Variants in NPRL3 observed in about 807,000 individuals in gnomAD.
The protein encoded by NPRL3 is GATOR1 complex protein NPRL3.
In NPRL3, 23 loss-of-function variants were observed where a neutral mutation model predicts 57.2. That is an observed-to-expected ratio of 0.40 (90% CI 0.29 to 0.57). The LOEUF is 0.57. Among genes scored for constraint, NPRL3 ranks in the 20% least tolerant of loss-of-function variants. The pLI, the probability that NPRL3 is intolerant of heterozygous loss-of-function variation, is 0.42. For missense variants in NPRL3, 691 were observed against 767.1 expected (o/e 0.90, Z 1.17); for synonymous variants, 333 against 321.1 (o/e 1.04, Z -0.39).
chr16:128,224 A>G (rs929516289), intron 3 of NPRL3, among the ~76,000 whole-genome samples: 2 of 152,156 alleles, frequency 1.3e-5, no homozygotes, highest in Admixed American at 6.5e-5. Flanking sequence ...ACCTCAGGTG[A>G]TCCATCTGCC....
At chr16:95,489 A>G (rs1898969403) in intron 9 of NPRL3, among the ~76,000 whole-genome samples, 1 of 151,930 alleles carries the variant, frequency 6.6e-6, no homozygotes, top group Admixed American at 6.6e-5. Flanking sequence ...TAGTGTTTGA[A>G]GTCTTGTAAC....
chr16:137,157 C>G (rs1195169146), intron 2 of NPRL3, among the ~76,000 whole-genome samples: 1 of 151,120 alleles, frequency 6.6e-6, no homozygotes, highest in Non-Finnish European at 1.5e-5. Flanking sequence ...GAGGTGGAGG[C>G]TGCAGTGAGC....
intron 3 of NPRL3, among the ~76,000 whole-genome samples, chr16:119,792 G>A (rs1026807358): frequency 3.9e-5 from 6 of 152,214 alleles, no homozygotes; most frequent in East Asian, 1.9e-4. Flanking sequence ...CTGCCCATCC[G>A]TTCCCTTATC....
intron 3 of NPRL3, among the ~76,000 whole-genome samples, chr16:125,502 G>A (rs1900477655): frequency 6.6e-6 from 1 of 152,208 alleles, no homozygotes; most frequent in African/African-American, 2.4e-5. Flanking sequence ...GGGAGGCAGG[G>A]CCATCAGCTA....
In NPRL3 at chr16:138,078, G is replaced by GCCCTGGAATGAGGCGA. The variant is rs1487495568; in HGVS notation, c.118+56_118+71dup. ...AGCAAAAGCTAAGCTCCGCGAGGCG[G>GCCCTGGAATGAGGCGA]CCCTGGAATGAGGCGACCCCGGAAT... On this transcript the variant is annotated intron_variant, in intron 2 of 13. Coordinates refer to ENST00000611875, the MANE Select transcript of NPRL3 (RefSeq NM_001077350.3). 53 of 1,153,912 alleles carry GCCCTGGAATGAGGCGA rather than the reference G, an allele frequency of 4.6e-5. No individual in the cohort carries two copies. In the African/African-American group the frequency reaches 7.5e-4, roughly 16 times the overall value. The allele number at this position is 1,153,912 out of a possible 1,614,324, so 71.5% of individuals were successfully genotyped here.
chr16:110,619 C>G lies in NPRL3; in HGVS notation c.548-13G>C. 1.2e-6 allele frequency: 2 copies of G among 1,600,190 alleles called. No individual in the cohort carries two copies. Among genetic ancestry groups the G allele is most frequent in the Non-Finnish European group, 1.7e-6 (2 of 1,172,136 alleles). ...GGACCTTCATTTCCTACAAGAATCA[C>G]AACACAAGATTTACAGCTCCCGGGT... On this transcript the variant is annotated splice_polypyrimidine_tract_variant and intron_variant, in intron 6 of 13. Coordinates refer to ENST00000611875, the MANE Select transcript of NPRL3 (RefSeq NM_001077350.3).
Position 86,369 on chromosome 16 carries a change from C to CGCCGTATCA in NPRL3, c.*335_*336insTGATACGGC. 8.4e-5 allele frequency: 24 copies of CGCCGTATCA among 285,330 alleles called. No homozygotes were observed. The highest frequency in any genetic ancestry group is 3.5e-4 in the South Asian group (5 of 14,340). 17.7% of individuals were successfully genotyped at this position (285,330 alleles called of 1,614,324 possible). A position where few individuals can be genotyped will look rare whatever the true frequency, so the allele number is the denominator to read the frequency against. ...GCAGGTGTAGGGACAGAAGGAGGGT[C>CGCCGTATCA]TGAGAAACGCACAGCCCACATGGGC... is the stretch of plus-strand genomic sequence containing the variant. On this transcript the variant is annotated 3_prime_UTR_variant, in exon 14 of 14. Transcript: ENST00000611875.
chr16:135,484 CT>C lies in NPRL3; in HGVS notation c.118+2665del, dbSNP rs533767265. On this transcript the variant is annotated intron_variant, in intron 2 of 13. Coordinates refer to ENST00000611875, the MANE Select transcript of NPRL3 (RefSeq NM_001077350.3). ...ATTAGCCAGGCGTGGTGGCACGCACCTGTAAACCCAGCTACTCGGGAGGCTG... is the reference window on the plus strand; with the variant it reads ...ATTAGCCAGGCGTGGTGGCACGCACCGTAAACCCAGCTACTCGGGAGGCTG... 7.2e-5 allele frequency among the ~76,000 whole-genome samples: 11 copies of C among 152,056 alleles called. No homozygotes were observed. The South Asian group carries it at 1.9e-3, about 26-fold the overall frequency.
intron 2 of NPRL3, among the ~76,000 whole-genome samples, chr16:135,964 A>G (rs1301688634): frequency 6.6e-6 from 1 of 151,226 alleles, no homozygotes; most frequent in Non-Finnish European, 1.5e-5. Flanking sequence ...AAACAGGAAA[A>G]TATGCTTTCT....
chr16:94,842 C>T (rs941310440), intron 9 of NPRL3, among the ~76,000 whole-genome samples: 1 of 152,168 alleles, frequency 6.6e-6, no homozygotes, highest in Admixed American at 6.5e-5. Context: ...CCCAGCTCTG[C>T]TCAGCATAGT....
At chr16:88,550 C>G (rs1898604214) in intron 13 of NPRL3, 148 bp downstream of exon 13, 2 of 736,828 alleles carry the variant, frequency 2.7e-6, no homozygotes, top group Non-Finnish European at 2.2e-6. Context: ...TGGCACCTGC[C>G]CCTACACACC....
chr16:95,241 C>T (rs1187057145), intron 9 of NPRL3, among the ~76,000 whole-genome samples: 1 of 151,394 alleles, frequency 6.6e-6, no homozygotes, highest in African/African-American at 2.4e-5. Context: ...ATGTGTATAT[C>T]TGTGGGGGCC....
At chr16:123,780 A>C (rs1050185024) in intron 3 of NPRL3, among the ~76,000 whole-genome samples, 3 of 147,098 alleles carry the variant, frequency 2.0e-5, no homozygotes, top group African/African-American at 7.6e-5. Context: ...AAACAGGGTC[A>C]CACACTCCCC....
intron 2 of NPRL3, 46 bp downstream of exon 2, chr16:138,104 G>A (rs1266222277): frequency 1.4e-6 from 2 of 1,475,748 alleles, no homozygotes; most frequent in Non-Finnish European, 1.9e-6. Flanking sequence ...ACCCCGGAAT[G>A]AGGCGGCCCC....
chr16:137,253 A>AT (rs1166050364), intron 2 of NPRL3, among the ~76,000 whole-genome samples: 2 of 152,116 alleles, frequency 1.3e-5, no homozygotes, highest in African/African-American at 4.8e-5. Flanking sequence ...AAAACTGAAC[A>AT]TTCATGATGA....
chr16:92,767 C>CA, intron 10 of NPRL3, 42 bp from the exon 11 acceptor site: 1 of 1,606,798 alleles, frequency 6.2e-7, no homozygotes, highest in Non-Finnish European at 8.5e-7. Context: ...GCAGACCCCC[C>CA]CACCGTGTTC....
chr16:133,529 GTTGT>G (rs71391114), intron 2 of NPRL3, among the ~76,000 whole-genome samples: 80,260 of 151,062 alleles, frequency 0.53, 22,681 homozygotes, highest in African/African-American at 0.73. Context: ...TGTGCCTAGC[GTTGT>G]TTGTTTGTTT....
At chr16:113,218 C>A (rs183846513) in intron 5 of NPRL3, among the ~76,000 whole-genome samples, 1 of 152,220 alleles carries the variant, frequency 6.6e-6, no homozygotes, top group Non-Finnish European at 1.5e-5. Context: ...CTGCTGACTA[C>A]TGGTAGGCAG....
intron 5 of NPRL3, among the ~76,000 whole-genome samples, chr16:113,094 A>G (rs943682027): frequency 2.0e-5 from 3 of 149,622 alleles, no homozygotes; most frequent in Non-Finnish European, 4.5e-5. Context: ...AAGAACAACA[A>G]TGGTGCCTCC....
Sources: allele counts gnomAD v4.1 joint callset (sites outside exome capture counted in the v4.1 genomes callset), GRCh38; gene constraint gnomAD v4.1.1; transcripts MANE v1.5; gene names NCBI Gene and HGNC (gene_info 2026-07-23, HGNC 2026-07-21).